FAM3D: variants seen among roughly 807,000 people sequenced by gnomAD.
FAM3D encodes the protein FAM3 metabolism regulating signaling molecule D, also known as protein FAM3D.
A neutral mutation model predicts 29.8 loss-of-function variants in FAM3D; 26 were observed. The ratio of observed to expected loss-of-function variants is 0.87; its 90% CI spans 0.64 to 1.21. FAM3D has a LOEUF of 1.21. FAM3D is among the 50% of genes most tolerant of loss of function. The probability of loss-of-function intolerance (pLI) is 0.00; values close to 1 mark genes in which losing one functional copy is unlikely to be tolerated. For missense variants in FAM3D, 253 were observed against 290.9 expected (o/e 0.87, Z 0.95); for synonymous variants, 115 against 102.3 (o/e 1.12, Z -0.75).
chr3:58,660,299 C>A (rs1209746348), intron 1 of FAM3D, among the ~76,000 whole-genome samples: 2 of 152,120 alleles, frequency 1.3e-5, no homozygotes, highest in Non-Finnish European at 1.5e-5. Flanking sequence ...GGGTGTGCAA[C>A]CCTGCCTAGA....
chr3:58,653,045 A>G (rs1251433584), intron 3 of FAM3D, among the ~76,000 whole-genome samples: 1 of 151,608 alleles, frequency 6.6e-6, no homozygotes, highest in Admixed American at 6.6e-5. Context: ...AGAGAGGTGG[A>G]TGCACACAAA....
Position 58,643,017 on chromosome 3 carries a change from A to T in FAM3D, c.322+645T>A, listed in dbSNP as rs79829066. On this transcript the variant is annotated intron_variant, in intron 6 of 9. Transcript: ENST00000358781. ...CAATTTTCTCCTGGCCAGCGCCCAC[A>T]ATCCTTCAGGCCTTAGCTGGCCATC... Among the ~76,000 whole-genome samples the T allele has an allele frequency of 4.3e-3, 651 of 152,196 alleles. 7 individuals carry two copies. Among genetic ancestry groups the T allele is most frequent in the African/African-American group, 0.015 (610 of 41,514 alleles).
chr3:58,654,378 C>A (rs73082231), intron 2 of FAM3D, among the ~76,000 whole-genome samples: 12 of 152,198 alleles, frequency 7.9e-5, no homozygotes, highest in Admixed American at 4.6e-4. Context: ...GGCTGCCCCC[C>A]ACAGTTTCCA....
intron 1 of FAM3D, among the ~76,000 whole-genome samples, chr3:58,663,841 ACTCCCAG>A (rs571054842): frequency 5.3e-5 from 8 of 151,840 alleles, no homozygotes; most frequent in African/African-American, 1.5e-4. Context: ...CTGCTGGGTG[ACTCCCAG>A]CTCCCAGCTC....
intron 1 of FAM3D, 53 bp from the exon 2 acceptor site, chr3:58,655,654 C>G: frequency 6.8e-7 from 1 of 1,479,256 alleles, no homozygotes; most frequent in Non-Finnish European, 9.3e-7. Flanking sequence ...TGCAAGTGAT[C>G]AAGCCTGAAG....
intron 1 of FAM3D, among the ~76,000 whole-genome samples, chr3:58,655,844 G>C (rs910730291): frequency 2.0e-5 from 3 of 152,186 alleles, no homozygotes; most frequent in African/African-American, 7.2e-5. Context: ...GCAGAGATTA[G>C]AAAGTAGAGG....
chr3:58,637,107 C>T (rs1461085877), intron 8 of FAM3D, 34 bp downstream of exon 8: 14 of 1,586,638 alleles, frequency 8.8e-6, no homozygotes, highest in Non-Finnish European at 1.2e-5. Context: ...GTTTGCATCA[C>T]TGTGTGGCCT....
rs562101310 is a variant in FAM3D at position 58,635,000 on chromosome 3, C to A, written c.586-632G>T. Among the ~76,000 whole-genome samples the A allele has an allele frequency of 6.6e-6, 1 of 152,048 alleles. No homozygotes were observed. The highest frequency in any genetic ancestry group is 1.5e-5 in the Non-Finnish European group (1 of 68,012). On this transcript the variant is annotated intron_variant, in intron 9 of 9. Transcript: ENST00000358781. This position sits in a 1 kb window ranked among gnomAD's most constrained non-coding sequence, Gnocchi z 4.6. Reference sequence around the variant, plus strand: ...AGACCAGCCTGGGCAACATGGGAGACCCTGTCTCTAGAAAACATAAAAAAA... The same window carrying A: ...AGACCAGCCTGGGCAACATGGGAGAACCTGTCTCTAGAAAACATAAAAAAA...
At chr3:58,665,772 G>A in intron 1 of FAM3D, among the ~76,000 whole-genome samples, 1 of 152,212 alleles carries the variant, frequency 6.6e-6, no homozygotes, top group Admixed American at 6.5e-5. Flanking sequence ...AATAATCATG[G>A]TGCTTTCCTT....
rs567301469 is a variant in FAM3D at position 58,636,363 on chromosome 3, T to C, written c.516A>G (p.Gln172=). The change falls in exon 9 of 10, where the codon CAA becomes CAG. Residue 172 remains glutamine (Q), a synonymous_variant. Coordinates refer to ENST00000358781, the MANE Select transcript of FAM3D (RefSeq NM_138805.3). The part of the protein sequence containing the change: ...FSDLGSSYAK[Q]LGFRDSWVFI... ...AGACCCAGCTGTCCCGGAAGCCCAG[T>C]TGTTTTGCGTAGGAACTCCCCAAGT... The C allele has an allele frequency of 2.2e-5, 35 of 1,614,190 alleles. No individual in the cohort carries two copies. In the East Asian group the frequency reaches 7.1e-4, roughly 33 times the overall value.
chr3:58,634,206 C>G lies in FAM3D; in HGVS notation c.*73G>C. On this transcript the variant is annotated 3_prime_UTR_variant, in exon 10 of 10. Coordinates refer to ENST00000358781, the MANE Select transcript of FAM3D (RefSeq NM_138805.3). This position sits in a 1 kb window ranked among gnomAD's most constrained non-coding sequence, Gnocchi z 4.6. ...CACCCCCTGCTCCTCCTCCTCAGCC[C>G]CTGCCGGGCTCTGACTCCTAAGTCA... 1 of 1,421,378 alleles carries G rather than the reference C, an allele frequency of 7.0e-7. No homozygotes were observed. Among genetic ancestry groups the G allele is most frequent in the Non-Finnish European group, 9.8e-7 (1 of 1,024,168 alleles). The allele number at this position is 1,421,378 out of a possible 1,614,324, so 88.0% of individuals were successfully genotyped here. A position where few individuals can be genotyped will look rare whatever the true frequency, so the allele number is the denominator to read the frequency against.
At chr3:58,653,626 C>G (rs2066708927) in intron 3 of FAM3D, 48 bp downstream of exon 3, 1 of 1,554,356 alleles carries the variant, frequency 6.4e-7, no homozygotes, top group Non-Finnish European at 8.9e-7. Context: ...GTCTTCGGCC[C>G]CCAGGCCTGG....
intron 3 of FAM3D, among the ~76,000 whole-genome samples, chr3:58,652,615 C>T (rs958529611): frequency 3.3e-5 from 5 of 151,998 alleles, no homozygotes; most frequent in Admixed American, 6.6e-5. Context: ...ACCCATCCAT[C>T]TACCCACTCA....
At chr3:58,664,788 G>T (rs1258167243) in intron 1 of FAM3D, among the ~76,000 whole-genome samples, 1 of 152,178 alleles carries the variant, frequency 6.6e-6, no homozygotes, top group Non-Finnish European at 1.5e-5. Context: ...CAGAAGCAAG[G>T]GATTGGCACC....
intron 3 of FAM3D, among the ~76,000 whole-genome samples, chr3:58,653,230 A>G (rs576281105): frequency 1.3e-5 from 2 of 152,190 alleles, no homozygotes; most frequent in African/African-American, 2.4e-5. Context: ...ACCTTAGCTG[A>G]AACTCGAAGG....
In FAM3D at chr3:58,658,638, G is replaced by A. The variant is rs76387159; in HGVS notation, c.-38-3037C>T. On this transcript the variant is annotated intron_variant, in intron 1 of 9. Coordinates refer to ENST00000358781, the MANE Select transcript of FAM3D (RefSeq NM_138805.3). The stretch of plus-strand genomic sequence containing the variant: ...GGTTCAACACCTACCTGTGGTCCTG[G>A]ATGGGAGCACATCCATCATGGCACC... Among the ~76,000 whole-genome samples the A allele has an allele frequency of 8.7e-3, 1,330 of 152,296 alleles. 12 individuals are homozygous for A. Among genetic ancestry groups the A allele is most frequent in the Admixed American group, 0.016 (240 of 15,304 alleles).
At chr3:58,665,416 C>T (rs1237639948) in intron 1 of FAM3D, among the ~76,000 whole-genome samples, 1 of 152,160 alleles carries the variant, frequency 6.6e-6, no homozygotes, top group Non-Finnish European at 1.5e-5. Context: ...CCGGCATTCT[C>T]TTGGGAGAAG....
rs995028856 is a variant in FAM3D at position 58,666,586 on chromosome 3, G to A, written c.-49C>T. 2.7e-4 allele frequency: 41 copies of A among 152,130 alleles called. No individual in the cohort carries two copies. The highest frequency in any genetic ancestry group is 2.2e-3 in the Admixed American group (34 of 15,266). The allele number at this position is 152,130 out of a possible 1,614,324, so 9.4% of individuals were successfully genotyped here. A position where few individuals can be genotyped will look rare whatever the true frequency, so the allele number is the denominator to read the frequency against. On this transcript the variant is annotated 5_prime_UTR_variant, in exon 1 of 10. Coordinates refer to ENST00000358781, the MANE Select transcript of FAM3D (RefSeq NM_138805.3). ...CTTGGGGGGACGTACCCGAGGGCTC[G>A]AGGCTCCCACTTCCCTGCTTCGATG...
At chr3:58,664,467 A>G (rs2066991868) in intron 1 of FAM3D, among the ~76,000 whole-genome samples, 1 of 152,236 alleles carries the variant, frequency 6.6e-6, no homozygotes, top group Non-Finnish European at 1.5e-5. Context: ...TAGAAGGTGC[A>G]CAGCTTGGAC....
Sources: allele counts gnomAD v4.1 joint callset (sites outside exome capture counted in the v4.1 genomes callset), GRCh38; gene constraint gnomAD v4.1.1; non-coding constraint Gnocchi (gnomAD v3.1); transcripts MANE v1.5; gene names NCBI Gene and HGNC (gene_info 2026-07-23, HGNC 2026-07-21).